Variants in RAB9B observed in about 807,000 individuals in gnomAD.
RAB9B encodes ras-related protein Rab-9B.
Under a neutral mutation model 8.9 loss-of-function variants are expected in RAB9B, and 1 was observed. The ratio of observed to expected loss-of-function variants is 0.11; its 90% CI spans 0.04 to 0.53. The LOEUF (loss-of-function observed/expected upper bound fraction) is 0.53. RAB9B is among the 20% of genes least tolerant of loss of function. The probability of loss-of-function intolerance (pLI) is 0.93; values close to 1 mark genes in which losing one functional copy is unlikely to be tolerated. For missense variants in RAB9B, 82 were observed against 152.9 expected (o/e 0.54, Z 2.45); for synonymous variants, 63 against 57.0 (o/e 1.10, Z -0.47).
the RAB9B span, chrX:103,780,194 A>G: frequency 3.5e-5 from 4 of 112,834 alleles, no homozygotes; most frequent in East Asian, 1.1e-3. Context: ...AAGGAAGAGA[A>G]TAAGGTTCCC....
the RAB9B span, among the ~76,000 whole-genome samples, chrX:103,779,396 G>A: frequency 2.7e-5 from 3 of 111,855 alleles, no homozygotes; most frequent in Non-Finnish European, 5.6e-5. Flanking sequence ...GCGGCAGAGC[G>A]GGGGTCCAGT....
intron 2 of RAB9B, among the ~76,000 whole-genome samples, chrX:103,826,725 C>T (rs192040716): frequency 8.9e-6 from 1 of 111,750 alleles, no homozygotes; most frequent in African/African-American, 3.3e-5. Context: ...AGGTACTTTC[C>T]CACTAGGTCT....
At chrX:103,818,288 G>A (rs1015947857), downstream of RAB9B, among the ~76,000 whole-genome samples, 5 of 111,718 alleles carry the variant, frequency 4.5e-5, no homozygotes, top group Non-Finnish European at 7.5e-5. Context: ...CTGCACATAT[G>A]GGGTTAAAAA....
the RAB9B span, among the ~76,000 whole-genome samples, chrX:103,784,711 G>A: frequency 8.9e-6 from 1 of 111,995 alleles, no homozygotes; most frequent in Non-Finnish European, 1.9e-5. Flanking sequence ...TCCCTTCCTG[G>A]AACTCCAAGT....
chrX:103,780,693 T>G, the RAB9B span: 1 of 111,889 alleles, frequency 8.9e-6, no homozygotes, highest in East Asian at 2.8e-4. Flanking sequence ...AAAAGGGATA[T>G]GTAGGAAAGA....
the RAB9B span, among the ~76,000 whole-genome samples, chrX:103,789,891 A>T: frequency 1.8e-5 from 2 of 111,967 alleles, no homozygotes. Flanking sequence ...AATTGTTATG[A>T]TTATAATACA....
At chrX:103,794,203 C>T in the RAB9B span, among the ~76,000 whole-genome samples, 1 of 111,322 alleles carries the variant, frequency 9.0e-6, no homozygotes, top group African/African-American at 3.3e-5. Flanking sequence ...CGGCTGACTC[C>T]AGTGGGCATC....
At chrX:103,782,577 G>T in the RAB9B span, among the ~76,000 whole-genome samples, 1 of 111,869 alleles carries the variant, frequency 8.9e-6, no homozygotes, top group Non-Finnish European at 1.9e-5. Flanking sequence ...AACCCTAGAG[G>T]TGGCATCACC....
chrX:103,798,919 C>T, the RAB9B span, among the ~76,000 whole-genome samples: 1 of 108,738 alleles, frequency 9.2e-6, no homozygotes, highest in Non-Finnish European at 1.9e-5. Flanking sequence ...GGATTACAAG[C>T]GTGAGCCACC....
the RAB9B span, chrX:103,788,625 C>T: frequency 2.0e-5 from 13 of 636,111 alleles, no homozygotes; most frequent in Middle Eastern, 3.3e-4. Context: ...TTGAATTAGC[C>T]GATTGCCTTC....
chrX:103,783,347 CTA>C, the RAB9B span, among the ~76,000 whole-genome samples: 1 of 112,549 alleles, frequency 8.9e-6, no homozygotes, highest in African/African-American at 3.2e-5. Context: ...AGCAGCACAG[CTA>C]CAGATTGCTT....
At chrX:103,829,732 T>C (rs1364693280) in intron 1 of RAB9B, among the ~76,000 whole-genome samples, 1 of 112,376 alleles carries the variant, frequency 8.9e-6, no homozygotes, top group African/African-American at 3.2e-5. Flanking sequence ...TTGTTTACAG[T>C]TGAAATAATG....
chrX:103,791,736 T>C, the RAB9B span: 2 of 112,806 alleles, frequency 1.8e-5, no homozygotes, highest in East Asian at 5.6e-4. Flanking sequence ...AATTCTTTGA[T>C]TATGACTGTT....
rs941317790 is a variant in RAB9B at position 103,825,807 on chromosome X, G to A, written c.-23C>T. 3.5e-6 allele frequency: 4 copies of A among 1,140,128 alleles called. No individual in the cohort carries two copies. The highest frequency in any genetic ancestry group is 2.5e-4 in the Middle Eastern group (1 of 4,036). 94.0% of individuals were successfully genotyped at this position (1,140,128 alleles called of 1,213,427 possible). ...CATTTTTGCAGCACCAGAAGGGAAG[G>A]AGTTTGTAACCAAGAGAACCTGAAA... On this transcript the variant is annotated 5_prime_UTR_variant, in exon 3 of 3. Transcript: ENST00000243298.
the RAB9B span, chrX:103,785,568 T>C: frequency 2.2e-5 from 26 of 1,202,770 alleles, no homozygotes; most frequent in Admixed American, 5.5e-4. Flanking sequence ...CTGTTTCCCC[T>C]TCTTCTTCCC....
the RAB9B span, chrX:103,786,387 C>T: frequency 1.3e-5 from 14 of 1,104,677 alleles, no homozygotes; most frequent in South Asian, 3.7e-5. Context: ...CTGGTGTATA[C>T]CTCACTTATG....
At chrX:103,799,658 C>A in the RAB9B span, among the ~76,000 whole-genome samples, 1 of 111,626 alleles carries the variant, frequency 9.0e-6, no homozygotes, top group African/African-American at 3.3e-5. Context: ...AATATACAAC[C>A]AATTCAATAA....
the RAB9B span, among the ~76,000 whole-genome samples, chrX:103,799,045 C>T: frequency 9.3e-6 from 1 of 107,282 alleles, no homozygotes; most frequent in Non-Finnish European, 1.9e-5. Context: ...TAATTTTATA[C>T]TTTTAAGTGT....
At chrX:103,821,006 A>G (rs1024857336), downstream of RAB9B, among the ~76,000 whole-genome samples, 1 of 100,499 alleles carries the variant, frequency 1.0e-5, no homozygotes, top group Non-Finnish European at 2.0e-5. Flanking sequence ...ACACACACAC[A>G]CACACACAAA....
Sources: allele counts gnomAD v4.1 joint callset (sites outside exome capture counted in the v4.1 genomes callset), GRCh38; gene constraint gnomAD v4.1.1; transcripts MANE v1.5; gene names NCBI Gene and HGNC (gene_info 2026-07-23, HGNC 2026-07-21).